Variants in SEC14L5 observed in about 807,000 individuals in gnomAD.
SEC14L5 encodes SEC14 like lipid binding 5, also known as SEC14-like protein 5.
In SEC14L5, 96 loss-of-function variants were observed where a neutral mutation model predicts 84.6. The ratio of observed to expected loss-of-function variants is 1.13; its 90% CI spans 0.96 to 1.34. The LOEUF (loss-of-function observed/expected upper bound fraction) is 1.34, where lower values mean the gene tolerates loss of function less well. Ranked by LOEUF, SEC14L5 falls within the 40% of genes most tolerant of loss-of-function variation. The pLI is 0.00. For missense variants in SEC14L5, 1,224 were observed against 942.5 expected, an observed-to-expected ratio of 1.30 and a Z score of -3.91; for synonymous variants, 546 against 383.4, an observed-to-expected ratio of 1.42 and a Z score of -4.95.
Position 5,000,703 on chromosome 16 carries a change from G to C in SEC14L5, c.1019G>C (p.Gly340Ala), listed in dbSNP as rs776108374. The change falls in exon 9 of 16, where the codon GGC becomes GCC. Residue 340 changes from glycine to alanine, a missense_variant. Transcript: ENST00000251170. Reference sequence around the variant, plus strand: ...CGCCTGGGCCAGATGGACACCAAAGGCTTGATGAAGGCCGTGGGGGAGGAG... The same window carrying C: ...CGCCTGGGCCAGATGGACACCAAAGCCTTGATGAAGGCCGTGGGGGAGGAG... ...ILRLGQMDTKGLMKAVGEEAL... is the reference protein window; with the variant it reads ...ILRLGQMDTKALMKAVGEEAL... 8 of 1,552,288 alleles carry C rather than the reference G, an allele frequency of 5.2e-6. No homozygotes were observed. The highest frequency in any genetic ancestry group is 1.4e-5 in the African/African-American group (1 of 73,068).
intron 2 of SEC14L5, among the ~76,000 whole-genome samples, chr16:4,976,592 A>G (rs1024598930): frequency 6.6e-6 from 1 of 152,208 alleles, no homozygotes; most frequent in Non-Finnish European, 1.5e-5. Flanking sequence ...ATTCAGGGCT[A>G]TTTAGCTCCA....
At chr16:4,990,969 CT>C (rs201747029) in intron 5 of SEC14L5, 74 bp downstream of exon 5, 105,783 of 1,297,852 alleles carry the variant, frequency 0.082, 10,560 homozygotes, top group East Asian at 0.52. Context: ...TGCATGACCC[CT>C]GGCAAGACCC....
intron 2 of SEC14L5, among the ~76,000 whole-genome samples, chr16:4,969,509 A>C (rs1184480409): frequency 3.3e-5 from 5 of 151,672 alleles, no homozygotes; most frequent in Non-Finnish European, 7.4e-5. Flanking sequence ...TTAGCTTCCC[A>C]AGTAGACGGG....
At chr16:5,011,674 C>T (rs1326467516) in intron 15 of SEC14L5, among the ~76,000 whole-genome samples, 1 of 152,144 alleles carries the variant, frequency 6.6e-6, no homozygotes, top group Non-Finnish European at 1.5e-5. Context: ...TTCAGAGAGA[C>T]AGGGAACTGT....
intron 2 of SEC14L5, among the ~76,000 whole-genome samples, chr16:4,963,715 G>A (rs1955158747): frequency 6.6e-6 from 1 of 152,124 alleles, no homozygotes; most frequent in Non-Finnish European, 1.5e-5. Flanking sequence ...GTGCAGTGAT[G>A]CAATCATGGC....
chr16:5,015,234 TACCACACCTTTGGG>T lies in SEC14L5; in HGVS notation c.*267_*280del. ...CAAGCCAAGGCCAAGGTGTCTACCATACCACACCTTTGGGACATCCGGGCTTAGCGACGTCAGCC... is the reference window on the plus strand; with the variant it reads ...CAAGCCAAGGCCAAGGTGTCTACCATACATCCGGGCTTAGCGACGTCAGCC... On this transcript the variant is annotated 3_prime_UTR_variant, in exon 16 of 16. Transcript: ENST00000251170. The T allele has an allele frequency of 2.1e-6, 1 of 474,550 alleles. No individual in the cohort carries two copies. Among genetic ancestry groups the T allele is most frequent in the Non-Finnish European group, 3.8e-6 (1 of 265,870 alleles). The allele number at this position is 474,550 out of a possible 1,614,324, so 29.4% of individuals were successfully genotyped here.
rs1208986719 is a variant in SEC14L5, at chr16:4,990,634, C to A, written c.346-133C>A. 2.7e-5 allele frequency: 22 copies of A among 804,386 alleles called. No homozygotes were observed. In the East Asian group the frequency reaches 5.9e-4, roughly 21 times the overall value. 49.8% of individuals were successfully genotyped at this position (804,386 alleles called of 1,614,324 possible). On this transcript the variant is annotated intron_variant, in intron 4 of 15. Coordinates refer to ENST00000251170, the MANE Select transcript of SEC14L5 (RefSeq NM_014692.2). ...TGGGGGCCCCTTGGTCCTGCTACCC[C>A]ATCCAGGGTTGCCAGGCTTGATCTG... is the stretch of plus-strand genomic sequence containing the variant.
intron 4 of SEC14L5, among the ~76,000 whole-genome samples, chr16:4,988,782 C>G (rs2908686): frequency 0.093 from 14,109 of 152,300 alleles, 901 homozygotes; most frequent in Middle Eastern, 0.14. Flanking sequence ...CATAATTATT[C>G]TCTAGTATAT....
intron 6 of SEC14L5, among the ~76,000 whole-genome samples, chr16:4,992,300 G>C (rs1955561749): frequency 6.6e-6 from 1 of 152,124 alleles, no homozygotes; most frequent in South Asian, 2.1e-4. Context: ...TCCCAGGCTG[G>C]AGCGCAGTAG....
intron 2 of SEC14L5, among the ~76,000 whole-genome samples, chr16:4,966,494 G>T (rs3112398): frequency 0.43 from 64,367 of 150,024 alleles, 13,856 homozygotes; most frequent in Admixed American, 0.47. Flanking sequence ...AGGCTGGTCT[G>T]GAACTCCTGA....
intron 4 of SEC14L5, among the ~76,000 whole-genome samples, chr16:4,990,315 AC>A (rs1207134169): frequency 6.6e-6 from 1 of 151,962 alleles, no homozygotes; most frequent in African/African-American, 2.4e-5. Flanking sequence ...GGCACCCACC[AC>A]CATCTCTGGC....
chr16:4,961,721 A>G (rs546263606), intron 2 of SEC14L5, among the ~76,000 whole-genome samples: 4 of 152,302 alleles, frequency 2.6e-5, no homozygotes, highest in Admixed American at 2.0e-4. Context: ...AAACGTGACA[A>G]ATTAAGTTGG....
intron 8 of SEC14L5, among the ~76,000 whole-genome samples, chr16:4,999,262 C>T (rs1955649361): frequency 6.6e-6 from 1 of 152,168 alleles, no homozygotes; most frequent in Non-Finnish European, 1.5e-5. Flanking sequence ...GGGCTGCTGG[C>T]CGTGAGTTCA....
At chr16:4,959,966 C>A (rs935736645) in intron 2 of SEC14L5, among the ~76,000 whole-genome samples, 1 of 152,082 alleles carries the variant, frequency 6.6e-6, no homozygotes, top group African/African-American at 2.4e-5. Flanking sequence ...GCTCACAGAC[C>A]CCCTTCCCTC....
chr16:5,001,178 C>G (rs1343902495), intron 10 of SEC14L5, among the ~76,000 whole-genome samples: 1 of 151,992 alleles, frequency 6.6e-6, no homozygotes, highest in Non-Finnish European at 1.5e-5. Context: ...TGGATTTGAA[C>G]CTGGGGTCCT....
At chr16:4,976,487 C>G (rs1316187626) in intron 2 of SEC14L5, among the ~76,000 whole-genome samples, 1 of 152,170 alleles carries the variant, frequency 6.6e-6, no homozygotes, top group Admixed American at 6.5e-5. Context: ...ATAAAATAGG[C>G]CCACCTGAGT....
chr16:4,982,042 C>T (rs1316655093), intron 2 of SEC14L5, among the ~76,000 whole-genome samples: 2 of 152,118 alleles, frequency 1.3e-5, no homozygotes, highest in African/African-American at 4.8e-5. Context: ...TCTGGGGGAA[C>T]GAGGCCTCCC....
intron 2 of SEC14L5, among the ~76,000 whole-genome samples, chr16:4,963,208 G>T (rs1002403671): frequency 3.9e-5 from 6 of 152,088 alleles, no homozygotes; most frequent in Non-Finnish European, 5.9e-5. Flanking sequence ...TTCTAGACCT[G>T]GCTTTAAACA....
intron 2 of SEC14L5, among the ~76,000 whole-genome samples, chr16:4,960,029 G>T (rs1258872696): frequency 1.3e-5 from 2 of 152,138 alleles, no homozygotes; most frequent in African/African-American, 4.8e-5. Context: ...GGGTAGGTTT[G>T]CTTTGTGATG....
Sources: gnomAD v4.1 joint callset for allele counts (sites outside exome capture counted in the v4.1 genomes callset) on GRCh38, gnomAD v4.1.1 for gene constraint, MANE v1.5 for transcripts, NCBI Gene and HGNC (gene_info 2026-07-23, HGNC 2026-07-21) for gene names.